Variants in ANKS1B observed in about 807,000 individuals in gnomAD.
ANKS1B encodes ankyrin repeat and sterile alpha motif domain-containing protein 1B.
Under a neutral mutation model 148.3 loss-of-function variants are expected in ANKS1B, and 36 were observed. That is an observed-to-expected ratio of 0.24 (90% CI 0.19 to 0.32). ANKS1B has a LOEUF of 0.32. Among genes scored for constraint, ANKS1B ranks in the 10% least tolerant of loss-of-function variants. ANKS1B has a pLI of 1.00. For synonymous variants in ANKS1B, 542 were observed against 560.8 expected, an observed-to-expected ratio of 0.97 and a Z score of 0.47; for missense variants, 1,157 against 1,542.6, an observed-to-expected ratio of 0.75 and a Z score of 4.19.
chr12:98,862,371 G>C lies in ANKS1B; in HGVS notation c.2779-30235C>G, dbSNP rs114203135. Reference sequence around the variant, plus strand: ...GAACAGTAATAATCCCATTCTCAAAGGGTTGTTTGTGTGAGAATTAAATGA... The same window carrying C: ...GAACAGTAATAATCCCATTCTCAAACGGTTGTTTGTGTGAGAATTAAATGA... On this transcript the variant is annotated intron_variant, in intron 17 of 26. Coordinates refer to ENST00000683438, the MANE Select transcript of ANKS1B (RefSeq NM_001352186.2). 8.7e-3 allele frequency among the ~76,000 whole-genome samples: 1,321 copies of C among 152,138 alleles called. 22 individuals are homozygous for C. The highest frequency in any genetic ancestry group is 0.029 in the African/African-American group (1,222 of 41,514).
chr12:99,675,945 T>G (rs2098564231), intron 8 of ANKS1B, among the ~76,000 whole-genome samples: 1 of 152,036 alleles, frequency 6.6e-6, no homozygotes. Context: ...TGTGATAGGG[T>G]TTGGCTTTGT....
intron 9 of ANKS1B, among the ~76,000 whole-genome samples, chr12:99,592,394 T>A (rs992767606): frequency 6.6e-6 from 1 of 151,992 alleles, no homozygotes; most frequent in Non-Finnish European, 1.5e-5. Context: ...TAGGTCACTA[T>A]TGGATGGTAA....
At chr12:99,902,147 C>T (rs1166772470) in intron 1 of ANKS1B, among the ~76,000 whole-genome samples, 1 of 152,122 alleles carries the variant, frequency 6.6e-6, no homozygotes, top group Non-Finnish European at 1.5e-5. Context: ...GATCCACTTA[C>T]ATAGAATGTG....
At chr12:98,959,259 T>TCA (rs1245402712) in intron 17 of ANKS1B, among the ~76,000 whole-genome samples, 5 of 152,212 alleles carry the variant, frequency 3.3e-5, no homozygotes, top group Admixed American at 2.6e-4. Context: ...GATTCACTTA[T>TCA]CACTATACAC....
At chr12:99,646,471 T>C (rs1386532485) in intron 9 of ANKS1B, among the ~76,000 whole-genome samples, 9 of 151,642 alleles carry the variant, frequency 5.9e-5, no homozygotes, top group East Asian at 3.9e-4. Context: ...GCCTGAGCAA[T>C]ATGGTGAAAC....
chr12:99,502,546 C>T (rs568107775), intron 10 of ANKS1B, among the ~76,000 whole-genome samples: 1 of 152,240 alleles, frequency 6.6e-6, no homozygotes, highest in South Asian at 2.1e-4. Flanking sequence ...TAGTAAAATG[C>T]AGCACTACAG....
chr12:99,542,489 A>G (rs2097135556), intron 9 of ANKS1B, among the ~76,000 whole-genome samples: 1 of 151,306 alleles, frequency 6.6e-6, no homozygotes, highest in African/African-American at 2.4e-5. Flanking sequence ...TCTCCACCAA[A>G]TTGATCAACA....
At chr12:99,099,390 T>A (rs1271227442) in intron 15 of ANKS1B, among the ~76,000 whole-genome samples, 1 of 152,222 alleles carries the variant, frequency 6.6e-6, no homozygotes, top group Non-Finnish European at 1.5e-5. Flanking sequence ...TGGTTAGATT[T>A]TCTGGGACCC....
intron 14 of ANKS1B, among the ~76,000 whole-genome samples, chr12:99,240,863 C>T (rs1404256082): frequency 6.6e-6 from 1 of 152,182 alleles, no homozygotes; most frequent in African/African-American, 2.4e-5. Context: ...AACAAAGACA[C>T]ATTGTACCAG....
chr12:98,772,944 C>T, intron 25 of ANKS1B, 98 bp downstream of exon 25: 1 of 1,393,258 alleles, frequency 7.2e-7, no homozygotes, highest in Non-Finnish European at 9.8e-7. Context: ...ACCGGGTAAA[C>T]AAGCCAAGCT....
At chr12:99,081,991 G>A (rs1385528544) in intron 16 of ANKS1B, among the ~76,000 whole-genome samples, 1 of 152,116 alleles carries the variant, frequency 6.6e-6, no homozygotes, top group Non-Finnish European at 1.5e-5. Context: ...GCATAGAAGT[G>A]GCTGAATGTT....
intron 12 of ANKS1B, among the ~76,000 whole-genome samples, chr12:99,326,761 A>G (rs1051922775): frequency 9.9e-5 from 15 of 151,496 alleles, no homozygotes; most frequent in Middle Eastern, 3.4e-3. Flanking sequence ...GAAACCTGAT[A>G]TATGGCACTT....
chr12:99,144,461 G>A (rs1162847931), intron 15 of ANKS1B, among the ~76,000 whole-genome samples: 1 of 152,100 alleles, frequency 6.6e-6, no homozygotes, highest in African/African-American at 2.4e-5. Context: ...GGAATCTTAT[G>A]TAAACCTCAC....
intron 2 of ANKS1B, among the ~76,000 whole-genome samples, chr12:99,813,029 TC>T (rs2068629746): frequency 6.6e-6 from 1 of 151,726 alleles, no homozygotes; most frequent in African/African-American, 2.4e-5. Context: ...TATTCCTTGT[TC>T]CTACTTCTGT....
intron 10 of ANKS1B, among the ~76,000 whole-genome samples, chr12:99,475,784 A>T (rs1439415563): frequency 2.6e-5 from 4 of 151,990 alleles, no homozygotes; most frequent in African/African-American, 9.6e-5. Context: ...CAGTCATATA[A>T]AAAATGAAGA....
chr12:99,879,618 G>T (rs1050884991), intron 1 of ANKS1B, among the ~76,000 whole-genome samples: 2 of 152,116 alleles, frequency 1.3e-5, no homozygotes, highest in African/African-American at 4.8e-5. Context: ...TCCCTCTGCA[G>T]ATAATTAGAT....
intron 8 of ANKS1B, among the ~76,000 whole-genome samples, chr12:99,719,334 C>T (rs1484235720): frequency 6.6e-6 from 1 of 152,084 alleles, no homozygotes; most frequent in African/African-American, 2.4e-5. Flanking sequence ...TACCATTGTT[C>T]CTGGCCCAGA....
intron 9 of ANKS1B, among the ~76,000 whole-genome samples, chr12:99,561,486 G>T (rs1414110707): frequency 6.6e-6 from 1 of 152,014 alleles, no homozygotes; most frequent in Non-Finnish European, 1.5e-5. Flanking sequence ...CTCTCGGGAG[G>T]AAATTTTTTT....
chr12:99,801,755 C>A (rs929871654), intron 4 of ANKS1B, among the ~76,000 whole-genome samples: 1 of 152,082 alleles, frequency 6.6e-6, no homozygotes, highest in Admixed American at 6.6e-5. Flanking sequence ...GTATTAAAGA[C>A]AGAAAATATT....
Sources: gnomAD v4.1 joint callset for allele counts (sites outside exome capture counted in the v4.1 genomes callset) on GRCh38, gnomAD v4.1.1 for gene constraint, MANE v1.5 for transcripts, NCBI Gene and HGNC (gene_info 2026-07-23, HGNC 2026-07-21) for gene names.